CCSER1: variants seen among roughly 807,000 people sequenced by gnomAD.
The protein encoded by CCSER1 is serine-rich coiled-coil domain-containing protein 1.
Under a neutral mutation model 82.0 loss-of-function variants are expected in CCSER1, and 41 were observed. That is an observed-to-expected ratio of 0.50 (90% CI 0.39 to 0.65). CCSER1 has a LOEUF of 0.65. Among genes scored for constraint, CCSER1 ranks in the 30% least tolerant of loss-of-function variants. The pLI is 0.00. For missense variants in CCSER1, 1,119 were observed against 1,064.2 expected, an observed-to-expected ratio of 1.05 and a Z score of -0.72; for synonymous variants, 414 against 383.9, an observed-to-expected ratio of 1.08 and a Z score of -0.92.
At chr4:90,563,105 T>C (rs1778975772) in intron 5 of CCSER1, among the ~76,000 whole-genome samples, 1 of 151,168 alleles carries the variant, frequency 6.6e-6, no homozygotes, top group African/African-American at 2.5e-5. Flanking sequence ...TTTAATTTCA[T>C]TTAACAAATT....
intron 4 of CCSER1, among the ~76,000 whole-genome samples, chr4:90,409,241 C>A (rs572008243): frequency 6.6e-6 from 1 of 152,186 alleles, no homozygotes; most frequent in African/African-American, 2.4e-5. Context: ...CCCAATCTAG[C>A]AAGGCAGGCC....
intron 8 of CCSER1, among the ~76,000 whole-genome samples, chr4:90,882,813 G>T (rs1335671154): frequency 6.6e-6 from 1 of 151,760 alleles, no homozygotes; most frequent in Non-Finnish European, 1.5e-5. Flanking sequence ...TTAGGAATAG[G>T]TTACATAATT....
intron 10 of CCSER1, among the ~76,000 whole-genome samples, chr4:91,237,034 A>G (rs995375915): frequency 1.3e-5 from 2 of 152,186 alleles, no homozygotes; most frequent in African/African-American, 4.8e-5. Context: ...TAAACATACT[A>G]TTCAATCTTT....
At chr4:90,694,535 T>C (rs1403375486) in intron 6 of CCSER1, among the ~76,000 whole-genome samples, 1 of 152,064 alleles carries the variant, frequency 6.6e-6, no homozygotes, top group African/African-American at 2.4e-5. Flanking sequence ...ATTTCTTTGC[T>C]ATTCATACAA....
chr4:90,165,574 A>G (rs550346391), intron 1 of CCSER1, among the ~76,000 whole-genome samples: 7 of 152,198 alleles, frequency 4.6e-5, no homozygotes, highest in African/African-American at 1.2e-4. Context: ...CATAGATACA[A>G]CAATAAATAA....
At chr4:90,483,784 T>G (rs1461734058) in intron 5 of CCSER1, among the ~76,000 whole-genome samples, 6 of 152,200 alleles carry the variant, frequency 3.9e-5, no homozygotes, top group African/African-American at 1.4e-4. Context: ...AACCCAACCT[T>G]TCTCTCTGGC....
At chr4:91,040,734 G>T (rs1227981291) in intron 9 of CCSER1, among the ~76,000 whole-genome samples, 1 of 152,156 alleles carries the variant, frequency 6.6e-6, no homozygotes, top group African/African-American at 2.4e-5. Flanking sequence ...CTGATTTACT[G>T]TCCTGGGAGA....
At chr4:91,417,225 G>A (rs1425409881) in intron 10 of CCSER1, among the ~76,000 whole-genome samples, 1 of 151,886 alleles carries the variant, frequency 6.6e-6, no homozygotes, top group Non-Finnish European at 1.5e-5. Context: ...TGGCACAGCT[G>A]TGTAGGAAAA....
Position 90,883,138 on chromosome 4 carries a change from T to C in CCSER1, c.2095-40232T>C, listed in dbSNP as rs72881376. On this transcript the variant is annotated intron_variant, in intron 8 of 10. Transcript: ENST00000509176. ...TCCAGTATGACTCCTGAACTCATAG[T>C]CATAGCACCATATTATGCTGTTTCA... 3.9e-3 allele frequency among the ~76,000 whole-genome samples: 596 copies of C among 152,036 alleles called. 1 individual carries two copies. Among genetic ancestry groups the C allele is most frequent in the African/African-American group, 0.013 (560 of 41,524 alleles).
At chr4:90,404,597 A>G (rs1230788565) in intron 4 of CCSER1, among the ~76,000 whole-genome samples, 1 of 152,174 alleles carries the variant, frequency 6.6e-6, no homozygotes, top group Non-Finnish European at 1.5e-5. Flanking sequence ...ACCAAGGACC[A>G]TCACAGAGTC....
At chr4:90,730,661 G>A (rs534328764) in intron 7 of CCSER1, among the ~76,000 whole-genome samples, 1 of 152,204 alleles carries the variant, frequency 6.6e-6, no homozygotes, top group East Asian at 1.9e-4. Context: ...GGAGTGTGTT[G>A]GTGTTTCAAA....
intron 9 of CCSER1, among the ~76,000 whole-genome samples, chr4:90,959,004 A>G (rs1204290741): frequency 6.6e-6 from 1 of 152,224 alleles, no homozygotes; most frequent in African/African-American, 2.4e-5. Flanking sequence ...TAACAAAGTA[A>G]TTAGGTTACC....
At chr4:91,439,698 T>C (rs1261673610) in intron 10 of CCSER1, among the ~76,000 whole-genome samples, 2 of 152,010 alleles carry the variant, frequency 1.3e-5, no homozygotes, top group Non-Finnish European at 2.9e-5. Context: ...GACCCATCAG[T>C]GTGCTGTATT....
At chr4:91,565,093 G>A (rs898852093) in intron 10 of CCSER1, among the ~76,000 whole-genome samples, 2 of 146,082 alleles carry the variant, frequency 1.4e-5, no homozygotes, top group Non-Finnish European at 3.0e-5. Flanking sequence ...GTGAAGAAGG[G>A]GTCCAGCTTC....
At chr4:91,330,382 G>A (rs7696993) in intron 10 of CCSER1, among the ~76,000 whole-genome samples, 116,744 of 152,046 alleles carry the variant, frequency 0.77, 45,283 homozygotes, top group East Asian at 0.89. Flanking sequence ...TCAAGTCACC[G>A]ATCACTGTGG....
intron 10 of CCSER1, among the ~76,000 whole-genome samples, chr4:91,281,423 T>C (rs1197723433): frequency 6.6e-6 from 1 of 152,108 alleles, no homozygotes; most frequent in Non-Finnish European, 1.5e-5. Context: ...ACTCTGACAG[T>C]GTAATGAAAA....
At chr4:90,718,986 T>A (rs953431587) in intron 6 of CCSER1, among the ~76,000 whole-genome samples, 1 of 152,096 alleles carries the variant, frequency 6.6e-6, no homozygotes, top group African/African-American at 2.4e-5. Flanking sequence ...TTCCTTAATG[T>A]CCTTTTTGTT....
At chr4:91,485,403 G>T (rs151047571) in intron 10 of CCSER1, among the ~76,000 whole-genome samples, 1 of 152,034 alleles carries the variant, frequency 6.6e-6, no homozygotes, top group Non-Finnish European at 1.5e-5. Flanking sequence ...TTCTTTTGTG[G>T]CACAAAGATA....
At chr4:90,822,152 G>A (rs927272955) in intron 8 of CCSER1, among the ~76,000 whole-genome samples, 1 of 152,144 alleles carries the variant, frequency 6.6e-6, no homozygotes, top group Non-Finnish European at 1.5e-5. Flanking sequence ...TTAGTTCTAT[G>A]ACCGTGAAGA....
Sources: allele counts gnomAD v4.1 joint callset (sites outside exome capture counted in the v4.1 genomes callset), GRCh38; gene constraint gnomAD v4.1.1; transcripts MANE v1.5; gene names NCBI Gene and HGNC (gene_info 2026-07-23, HGNC 2026-07-21).